The following MROH1 variants were observed in gnomAD, a reference collection of about 807,000 sequenced individuals.
MROH1 encodes maestro heat like repeat family member 1.
MROH1 carries 117 observed loss-of-function variants against 116.5 expected under a neutral mutation model. The ratio of observed to expected loss-of-function variants is 1.00; its 90% confidence interval spans 0.86 to 1.17. The LOEUF is 1.17. MROH1 is among the 50% of genes most tolerant of loss of function. The probability of loss-of-function intolerance (pLI) is 0.00; values close to 1 mark genes in which losing one functional copy is unlikely to be tolerated. For missense variants in MROH1, 1,873 were observed against 1,338.5 expected, an observed-to-expected ratio of 1.40 and a Z score of -6.23; for synonymous variants, 921 against 583.9, an observed-to-expected ratio of 1.58 and a Z score of -8.32.
chr8:144,223,154 G>T lies in MROH1; in HGVS notation c.1262G>T (p.Gly421Val), dbSNP rs376682795. The change falls in exon 14 of 44, where the codon GGC becomes GTC. Residue 421 changes from glycine to valine, a missense_variant. Physicochemically the swap from Gly to Val is moderately radical, Grantham distance 109. Coordinates refer to ENST00000326134, the MANE Select transcript of MROH1 (RefSeq NM_032450.3). ...VQVISAMAHH[G>V]YLEQPGGEAM... ...GTGATTAGCGCCATGGCCCACCACG[G>T]CTACCTGGAGCAGCCTGGAGGTGAG... 1.9e-5 allele frequency: 31 copies of T among 1,612,818 alleles called. No homozygotes were observed. Among genetic ancestry groups the T allele is most frequent in the Non-Finnish European group, 2.5e-5 (29 of 1,179,570 alleles).
At chr8:144,170,402 CTG>C (rs1822145219) in intron 4 of MROH1, among the ~76,000 whole-genome samples, 1 of 152,226 alleles carries the variant, frequency 6.6e-6, no homozygotes, top group Admixed American at 6.5e-5. Flanking sequence ...ACCCTGTGGG[CTG>C]TGACCCTTCC....
chr8:144,160,133 G>T (rs995122695), intron 1 of MROH1, among the ~76,000 whole-genome samples: 1 of 152,226 alleles, frequency 6.6e-6, no homozygotes, highest in African/African-American at 2.4e-5. Context: ...GGATATTTTT[G>T]TGTTTCTGTT....
At chr8:144,233,480 G>A (rs1479822087) in intron 14 of MROH1, among the ~76,000 whole-genome samples, 9 of 109,200 alleles carry the variant, frequency 8.2e-5, no homozygotes, top group South Asian at 3.2e-4. Flanking sequence ...TCTCTCTCCC[G>A]CAGCTCCTGC....
At chr8:144,176,144 C>A (rs1037182495) in intron 4 of MROH1, among the ~76,000 whole-genome samples, 8 of 152,040 alleles carry the variant, frequency 5.3e-5, no homozygotes, top group Non-Finnish European at 1.2e-4. Flanking sequence ...GGGTGGATAA[C>A]TTGAGGCCAG....
rs1828828288 is a variant in MROH1 at position 144,192,308 on chromosome 8, G to A, written c.856-1G>A. 6.3e-7 allele frequency: 1 copy of A among 1,590,550 alleles called. No homozygotes were observed. Among genetic ancestry groups the A allele is most frequent in the Non-Finnish European group, 8.5e-7 (1 of 1,171,338 alleles). ...CGGCCTCTTCTCCCTACCCGGAGCA[G>A]AGCCTGGGCCAGATCCTCGAGGCAG... On this transcript the variant is annotated splice_acceptor_variant, in intron 9 of 43. Coordinates refer to ENST00000326134, the MANE Select transcript of MROH1 (RefSeq NM_032450.3). LOFTEE classifies it high-confidence loss of function.
At chr8:144,200,361 A>G in intron 11 of MROH1, 67 bp from the exon 12 acceptor site, 2 of 1,239,662 alleles carry the variant, frequency 1.6e-6, no homozygotes, top group African/African-American at 1.5e-5. Context: ...GCTGGAGAGT[A>G]GGTGGACGCT....
intron 3 of MROH1, among the ~76,000 whole-genome samples, chr8:144,166,828 C>T (rs73366504): frequency 0.017 from 2,514 of 152,282 alleles, 69 homozygotes; most frequent in African/African-American, 0.057. Flanking sequence ...GGTGCTTCCA[C>T]ACGTGAACGG....
chr8:144,184,564 A>C (rs1251977289), intron 7 of MROH1, among the ~76,000 whole-genome samples: 1 of 152,242 alleles, frequency 6.6e-6, no homozygotes, highest in East Asian at 1.9e-4. Flanking sequence ...AACCAAATAC[A>C]GTCTAGAAAC....
chr8:144,219,262 T>G (rs1836202624), intron 12 of MROH1, among the ~76,000 whole-genome samples: 1 of 152,090 alleles, frequency 6.6e-6, no homozygotes, highest in Admixed American at 6.6e-5. Flanking sequence ...GACCTCGTGA[T>G]CCGCCCGTCT....
At position 144,258,799 on chromosome 8, in the gene MROH1, T is replaced by C; in HGVS notation, c.3814T>C (p.Ser1272Pro). 1 of 768,068 alleles carries C rather than the reference T, an allele frequency of 1.3e-6. No individual in the cohort carries two copies. The highest frequency in any genetic ancestry group is 2.4e-6 in the Non-Finnish European group (1 of 413,926). 47.6% of individuals were successfully genotyped at this position (768,068 alleles called of 1,614,324 possible). A position where few individuals can be genotyped will look rare whatever the true frequency, so the allele number is the denominator to read the frequency against. Residue 1272 changes from serine (S) to proline (P), a missense_variant, in exon 36 of 44, where the codon TCC (serine) becomes CCC (proline). Transcript: ENST00000326134. ...PCSSAVDTLR[S>P]MLLRSGSEDV... ...CAGCTCTGCAGTGGACACCCTGCGG[T>C]CCATGCTACTCCGCAGCGGCAGCGA...
At chr8:144,171,223 C>T (rs1462946605) in intron 4 of MROH1, among the ~76,000 whole-genome samples, 1 of 152,196 alleles carries the variant, frequency 6.6e-6, no homozygotes, top group Non-Finnish European at 1.5e-5. Context: ...ACCGACCTGC[C>T]ATGAATCAGG....
At chr8:144,168,558 C>T (rs895283195) in intron 4 of MROH1, 118 bp downstream of exon 4, 5 of 1,240,540 alleles carry the variant, frequency 4.0e-6, no homozygotes, top group East Asian at 2.4e-5. Context: ...GCAGGGGTGG[C>T]CACATGTCTA....
intron 22 of MROH1, among the ~76,000 whole-genome samples, chr8:144,241,820 T>C (rs1239286329): frequency 2.0e-5 from 3 of 152,230 alleles, no homozygotes; most frequent in African/African-American, 4.8e-5. Context: ...AGATTCTGCG[T>C]TCTTGCCAAA....
intron 29 of MROH1, among the ~76,000 whole-genome samples, chr8:144,246,922 C>T (rs1259222615): frequency 1.3e-5 from 2 of 152,330 alleles, no homozygotes; most frequent in East Asian, 3.9e-4. Context: ...CAGTCCTGCC[C>T]CTCACCCAAA....
At chr8:144,162,368 T>C (rs1307552382) in intron 2 of MROH1, among the ~76,000 whole-genome samples, 1 of 151,706 alleles carries the variant, frequency 6.6e-6, no homozygotes, top group African/African-American at 2.4e-5. Flanking sequence ...ATTACAGATA[T>C]GAGCCACTGC....
Position 144,242,395 on chromosome 8 carries a change from G to A in MROH1, c.2205G>A (p.Lys735=). 2 of 780,740 alleles carry A rather than the reference G, an allele frequency of 2.6e-6. No individual in the cohort carries two copies. The highest frequency in any genetic ancestry group is 4.8e-6 in the Non-Finnish European group (2 of 417,828). The allele number at this position is 780,740 out of a possible 1,614,324, so 48.4% of individuals were successfully genotyped here. The change falls in exon 23 of 44, where the codon AAG becomes AAA. Residue 735 remains lysine, a synonymous_variant. Coordinates refer to ENST00000326134, the MANE Select transcript of MROH1 (RefSeq NM_032450.3). The stretch of plus-strand genomic sequence containing the variant: ...ATCGAAGTGAGAACGAAGTGGAGAA[G>A]GTGAAGAGTGCTCTGATCCTGTGCT... The part of the protein sequence containing the change: ...FKDRSENEVE[K]VKSALILCYG...
chr8:144,260,675 A>C lies in MROH1; in HGVS notation c.4381-2A>C. On this transcript the variant is annotated splice_acceptor_variant, in intron 39 of 43. Coordinates refer to ENST00000326134, the MANE Select transcript of MROH1 (RefSeq NM_032450.3). LOFTEE classifies it high-confidence loss of function. ...GAGACGTATGCTGCATGTCCTTCCCAGGAGAAGATGGAGTTCCGGACGGCA... is the reference window on the plus strand; with the variant it reads ...GAGACGTATGCTGCATGTCCTTCCCCGGAGAAGATGGAGTTCCGGACGGCA... The C allele has an allele frequency of 1.3e-6, 1 of 778,956 alleles. No individual in the cohort carries two copies. Among genetic ancestry groups the C allele is most frequent in the Non-Finnish European group, 2.4e-6 (1 of 417,780 alleles). The allele number at this position is 778,956 out of a possible 1,614,324, so 48.3% of individuals were successfully genotyped here.
At position 144,182,231 on chromosome 8, in the gene MROH1, C is replaced by T. The variant is rs528799398; in HGVS notation, c.562+1708C>T. 1.3e-5 allele frequency among the ~76,000 whole-genome samples: 2 copies of T among 152,314 alleles called. No homozygotes were observed. The highest frequency in any genetic ancestry group is 1.3e-4 in the Admixed American group (2 of 15,304). On this transcript the variant is annotated intron_variant, in intron 7 of 43. Transcript: ENST00000326134. This position sits in a 1 kb window ranked among gnomAD's most constrained non-coding sequence, Gnocchi z 4.1. The stretch of plus-strand genomic sequence containing the variant: ...AGGTCCAGCCAGGACAGGCAGTGTG[C>T]CAAGGACAGGAGTGCCCTCAGGGCA...
Position 144,180,404 on chromosome 8 carries a change from T to C in MROH1, c.464-21T>C. On this transcript the variant is annotated intron_variant, in intron 6 of 43. Transcript: ENST00000326134. The surrounding 1 kb of genome is among the most constrained non-coding windows in gnomAD (Gnocchi z 7.4). The stretch of plus-strand genomic sequence containing the variant: ...CGCTGGAAGCCTTGGCGGAGGCCTT[T>C]GACGGTGTCCTCTCTCACAGCGTTC... The C allele has an allele frequency of 6.2e-7, 1 of 1,612,602 alleles. No individual in the cohort carries two copies. Among genetic ancestry groups the C allele is most frequent in the Non-Finnish European group, 8.5e-7 (1 of 1,179,660 alleles).
Sources: gnomAD v4.1 joint callset for allele counts (sites outside exome capture counted in the v4.1 genomes callset) on GRCh38, gnomAD v4.1.1 for gene constraint, Gnocchi (gnomAD v3.1) non-coding constraint, MANE v1.5 for transcripts, NCBI Gene and HGNC (gene_info 2026-07-23, HGNC 2026-07-21) for gene names.